Variants in PACRG observed in about 807,000 individuals in gnomAD.
PACRG encodes parkin coregulated gene protein.
In PACRG, 29 loss-of-function variants were observed where a neutral mutation model predicts 29.7. The ratio of observed to expected loss-of-function variants is 0.98; its 90% CI spans 0.73 to 1.33. The LOEUF is 1.33. PACRG is among the 40% of genes most tolerant of loss of function. The pLI, the probability that PACRG is intolerant of heterozygous loss-of-function variation, is 0.00. For missense variants in PACRG, 279 were observed against 316.2 expected (o/e 0.88, Z 0.89); for synonymous variants, 116 against 118.7 (o/e 0.98, Z 0.15).
At chr6:163,021,699 C>T (rs1285016301) in intron 2 of PACRG, among the ~76,000 whole-genome samples, 4 of 152,212 alleles carry the variant, frequency 2.6e-5, no homozygotes, top group Admixed American at 6.5e-5. Context: ...CCTCATCTCT[C>T]GCTGTTGCCC....
chr6:162,727,253 T>C (rs1271973883), upstream of PACRG: 2 of 221,508 alleles, frequency 9.0e-6, no homozygotes, highest in Non-Finnish European at 8.6e-6. Context: ...CGATGGGTCC[T>C]GAACCGCACC....
intron 4 of PACRG, among the ~76,000 whole-genome samples, chr6:163,303,875 G>A (rs1485691896): frequency 6.6e-6 from 1 of 151,854 alleles, no homozygotes; most frequent in Middle Eastern, 3.4e-3. Context: ...AATTAGCCAG[G>A]CATGGTGGCG....
intron 1 of PACRG, among the ~76,000 whole-genome samples, chr6:162,786,035 C>G (rs1220708798): frequency 2.0e-5 from 3 of 152,228 alleles, no homozygotes; most frequent in African/African-American, 4.8e-5. Context: ...TGCCATATCT[C>G]TAGTTTTTCC....
chr6:162,941,048 ATGTGTG>A (rs370462604), intron 2 of PACRG, among the ~76,000 whole-genome samples: 1 of 81,856 alleles, frequency 1.2e-5, no homozygotes, highest in Non-Finnish European at 3.2e-5. Flanking sequence ...GTGTTTGTGC[ATGTGTG>A]TGTGTGTGTG....
At chr6:162,907,948 A>G (rs1461108214) in intron 2 of PACRG, among the ~76,000 whole-genome samples, 1 of 152,110 alleles carries the variant, frequency 6.6e-6, no homozygotes, top group Non-Finnish European at 1.5e-5. Context: ...AGTGACTGAA[A>G]TCTCATATGC....
intron 1 of PACRG, among the ~76,000 whole-genome samples, chr6:162,774,262 A>G (rs966034431): frequency 2.0e-5 from 3 of 152,232 alleles, no homozygotes; most frequent in South Asian, 2.1e-4. Context: ...AGCTTTGCCA[A>G]TTAATAGCTG....
intron 2 of PACRG, among the ~76,000 whole-genome samples, chr6:162,881,710 G>A (rs994379411): frequency 1.3e-5 from 2 of 150,042 alleles, no homozygotes; most frequent in Non-Finnish European, 3.0e-5. Context: ...GACTGGGGGT[G>A]GGGGGGTGCA....
At chr6:163,253,822 T>C (rs1410281899) in intron 4 of PACRG, among the ~76,000 whole-genome samples, 3 of 152,184 alleles carry the variant, frequency 2.0e-5, no homozygotes, top group African/African-American at 7.2e-5. Context: ...CATTTCCGAG[T>C]TGGCCTGCTC....
chr6:162,730,030 A>G (rs979127520), intron 1 of PACRG, among the ~76,000 whole-genome samples: 2 of 149,148 alleles, frequency 1.3e-5, no homozygotes, highest in South Asian at 2.2e-4. Context: ...TTATTTATCC[A>G]TTCATCTATT....
intron 1 of PACRG, among the ~76,000 whole-genome samples, chr6:162,749,683 A>G (rs1230123890): frequency 1.3e-5 from 2 of 151,946 alleles, no homozygotes; most frequent in Admixed American, 6.6e-5. Flanking sequence ...ACCATGCCCA[A>G]CTGATTTTGT....
intron 4 of PACRG, among the ~76,000 whole-genome samples, chr6:163,153,927 A>G (rs1778208956): frequency 6.6e-6 from 1 of 152,216 alleles, no homozygotes; most frequent in Non-Finnish European, 1.5e-5. Flanking sequence ...TGGAAAGAAG[A>G]AAGCAGTGAT....
chr6:163,116,709 A>C (rs1198965703), intron 4 of PACRG, among the ~76,000 whole-genome samples: 3 of 152,226 alleles, frequency 2.0e-5, no homozygotes, highest in African/African-American at 7.2e-5. Context: ...GGTTTGCACC[A>C]GGATAATGGA....
In PACRG at chr6:162,764,972, C is replaced by T. The variant is rs527914331; in HGVS notation, c.156+36581C>T. ...TGTTGGTCAGGCTGGTCTTGAACCCCTGACCTCGTGATCTACCCACCTCAG... is the reference window on the plus strand; with the variant it reads ...TGTTGGTCAGGCTGGTCTTGAACCCTTGACCTCGTGATCTACCCACCTCAG... On this transcript the variant is annotated intron_variant, in intron 1 of 4. Coordinates refer to ENST00000366888, the MANE Select transcript of PACRG (RefSeq NM_001080379.2). Among the ~76,000 whole-genome samples the T allele has an allele frequency of 1.8e-4, 28 of 152,118 alleles. No individual in the cohort carries two copies. In the South Asian group the frequency reaches 5.4e-3, roughly 29 times the overall value.
At chr6:163,048,566 C>T (rs549203267) in intron 2 of PACRG, among the ~76,000 whole-genome samples, 2 of 152,082 alleles carry the variant, frequency 1.3e-5, no homozygotes, top group South Asian at 4.2e-4. Flanking sequence ...CTGTGGTTTT[C>T]GTATTAAGGT....
At chr6:162,833,988 C>G (rs35674304) in intron 2 of PACRG, among the ~76,000 whole-genome samples, 11,705 of 152,042 alleles carry the variant, frequency 0.077, 722 homozygotes, top group South Asian at 0.23. Context: ...AAGACTGAAA[C>G]TCTATGCCCA....
chr6:163,036,193 T>G (rs2128232900), intron 2 of PACRG, among the ~76,000 whole-genome samples: 1 of 152,322 alleles, frequency 6.6e-6, no homozygotes, highest in African/African-American at 2.4e-5. Context: ...CAAACTTATT[T>G]TGTGGATTTT....
chr6:163,285,830 A>G (rs1784383869), intron 4 of PACRG, among the ~76,000 whole-genome samples: 3 of 152,192 alleles, frequency 2.0e-5, no homozygotes, highest in South Asian at 2.1e-4. Context: ...CATTGCCCAC[A>G]GTAGGTGCAC....
At chr6:162,999,944 G>C (rs1209826192) in intron 2 of PACRG, among the ~76,000 whole-genome samples, 2 of 152,140 alleles carry the variant, frequency 1.3e-5, no homozygotes, top group Non-Finnish European at 1.5e-5. Context: ...AAACACAAAT[G>C]CCTACAATGG....
intron 4 of PACRG, among the ~76,000 whole-genome samples, chr6:163,309,822 G>T (rs370424691): frequency 1.3e-5 from 2 of 152,118 alleles, no homozygotes; most frequent in Non-Finnish European, 2.9e-5. Flanking sequence ...TTGAGAGTGC[G>T]ATGCTGCCGC....
Sources: allele counts gnomAD v4.1 joint callset (sites outside exome capture counted in the v4.1 genomes callset), GRCh38; gene constraint gnomAD v4.1.1; transcripts MANE v1.5; gene names NCBI Gene and HGNC (gene_info 2026-07-23, HGNC 2026-07-21).